The following DMXL2 variants were observed in gnomAD, a reference collection of about 807,000 sequenced individuals.
DMXL2 encodes dmX-like protein 2.
In DMXL2, 103 loss-of-function variants were observed where a neutral mutation model predicts 331.1. The observed-to-expected ratio is 0.31, with a 90% CI of 0.27 to 0.37. The LOEUF is 0.37. Ranked by LOEUF, DMXL2 falls within the 10% of genes least tolerant of loss-of-function variation. The pLI, the probability that DMXL2 is intolerant of heterozygous loss-of-function variation, is 1.00. For missense variants in DMXL2, 3,171 were observed against 3,642.9 expected (o/e 0.87, Z 3.33); for synonymous variants, 1,281 against 1,252.1 (o/e 1.02, Z -0.49).
At chr15:51,578,928 G>A (rs1168098806) in intron 1 of DMXL2, among the ~76,000 whole-genome samples, 1 of 152,146 alleles carries the variant, frequency 6.6e-6, no homozygotes, top group African/African-American at 2.4e-5. Context: ...AACACAGTGA[G>A]ACTTCATCTC....
intron 33 of DMXL2, chr15:51,460,452 C>G (rs1225126699): frequency 3.9e-6 from 3 of 778,198 alleles, no homozygotes; most frequent in African/African-American, 1.9e-5. Context: ...GAAGGCCAAA[C>G]TGCTGAAGAA....
At chr15:51,470,228 T>C (rs528020927) in intron 29 of DMXL2, among the ~76,000 whole-genome samples, 7 of 152,112 alleles carry the variant, frequency 4.6e-5, no homozygotes, top group Non-Finnish European at 8.8e-5. Flanking sequence ...GCTGACCTCC[T>C]GGACTCAAGC....
chr15:51,622,301 T>A (rs2054699349), intron 1 of DMXL2, among the ~76,000 whole-genome samples, 158 bp downstream of exon 1: 1 of 152,098 alleles, frequency 6.6e-6, no homozygotes, highest in Admixed American at 6.5e-5. Context: ...GTCCCACGGG[T>A]CCCAGGGGGA....
At chr15:51,458,894 TAGCAGCAGCAGC>T (rs3830518) in intron 34 of DMXL2, 99 bp from the exon 35 acceptor site, 34 of 772,664 alleles carry the variant, frequency 4.4e-5, no homozygotes, top group South Asian at 1.6e-4. Flanking sequence ...GAAGAAAATG[TAGCAGCAGCAGC>T]AGCAGCAGCA....
intron 31 of DMXL2, among the ~76,000 whole-genome samples, chr15:51,465,299 G>A (rs1427361628): frequency 6.6e-6 from 1 of 152,208 alleles, no homozygotes; most frequent in East Asian, 1.9e-4. Context: ...GGAGACTGAG[G>A]TGGGAGGATG....
intron 7 of DMXL2, 115 bp from the exon 8 acceptor site, chr15:51,545,881 A>G: frequency 1.3e-6 from 1 of 778,454 alleles, no homozygotes; most frequent in Non-Finnish European, 2.0e-6. Context: ...TATGGAAAAA[A>G]GGAATCAATC....
chr15:51,534,808 ACT>A (rs2048195280), intron 13 of DMXL2, among the ~76,000 whole-genome samples: 1 of 152,104 alleles, frequency 6.6e-6, no homozygotes, highest in Admixed American at 6.5e-5. Flanking sequence ...AATCTTATCC[ACT>A]CATCAAGAAT....
At chr15:51,460,453 T>C (rs1367957878) in intron 33 of DMXL2, 1 of 766,630 alleles carries the variant, frequency 1.3e-6, no homozygotes, top group African/African-American at 1.9e-5. Flanking sequence ...AAGGCCAAAC[T>C]GCTGAAGAAT....
chr15:51,607,868 T>C (rs2053696271), intron 1 of DMXL2, among the ~76,000 whole-genome samples: 1 of 152,192 alleles, frequency 6.6e-6, no homozygotes, highest in Admixed American at 6.5e-5. Context: ...CCTGTCTACC[T>C]GCTAAAAGAC....
At chr15:51,482,331 A>T (rs2042075220) in intron 23 of DMXL2, among the ~76,000 whole-genome samples, 1 of 152,204 alleles carries the variant, frequency 6.6e-6, no homozygotes, top group South Asian at 2.1e-4. Flanking sequence ...CTATATTATT[A>T]TTCTGAAACT....
chr15:51,537,764 A>T lies in DMXL2; in HGVS notation c.1346-5T>A, dbSNP rs745950608. On this transcript the variant is annotated splice_region_variant and splice_polypyrimidine_tract_variant and intron_variant, in intron 10 of 43. Transcript: ENST00000560891. Reference sequence around the variant, plus strand: ...ATTCTCTATCCAGGGATAAATCTGAACCAGAAAATATATTTATCAATACAA... The same window carrying T: ...ATTCTCTATCCAGGGATAAATCTGATCCAGAAAATATATTTATCAATACAA... The T allele has an allele frequency of 6.2e-7, 1 of 1,608,742 alleles. No individual in the cohort carries two copies. The highest frequency in any genetic ancestry group is 8.5e-7 in the Non-Finnish European group (1 of 1,177,014).
At chr15:51,482,844 C>T (rs139932847) in intron 23 of DMXL2, among the ~76,000 whole-genome samples, 48 of 152,270 alleles carry the variant, frequency 3.2e-4, no homozygotes, top group Non-Finnish European at 4.7e-4. Flanking sequence ...ATTCATCCTC[C>T]GAAAAGAAAG....
intron 1 of DMXL2, among the ~76,000 whole-genome samples, chr15:51,596,687 A>G (rs1286269714): frequency 6.6e-6 from 1 of 152,222 alleles, no homozygotes; most frequent in South Asian, 2.1e-4. Context: ...TCCAACAATG[A>G]TAGACTGGAT....
At chr15:51,612,343 T>C (rs1045959553) in intron 1 of DMXL2, among the ~76,000 whole-genome samples, 2 of 152,218 alleles carry the variant, frequency 1.3e-5, no homozygotes, top group Non-Finnish European at 2.9e-5. Flanking sequence ...GTCACATTAG[T>C]ACATGATCCC....
chr15:51,529,931 G>A (rs1031083658), intron 13 of DMXL2, among the ~76,000 whole-genome samples: 1 of 151,908 alleles, frequency 6.6e-6, no homozygotes, highest in Non-Finnish European at 1.5e-5. Flanking sequence ...AGGGACACAA[G>A]GATGGTTCAA....
intron 42 of DMXL2, among the ~76,000 whole-genome samples, chr15:51,451,401 A>G (rs949115740): frequency 6.6e-6 from 1 of 152,252 alleles, no homozygotes; most frequent in African/African-American, 2.4e-5. Context: ...TATCCATACC[A>G]TATTTTCTGA....
chr15:51,593,235 A>G (rs1043536816), intron 1 of DMXL2, among the ~76,000 whole-genome samples: 3 of 152,116 alleles, frequency 2.0e-5, no homozygotes, highest in South Asian at 2.1e-4. Context: ...CCAAGCAAAT[A>G]GAAAACAAAA....
intron 15 of DMXL2, among the ~76,000 whole-genome samples, chr15:51,507,714 A>C (rs2046492344): frequency 6.6e-6 from 1 of 152,038 alleles, no homozygotes; most frequent in African/African-American, 2.4e-5. Flanking sequence ...ATGCCCCTGG[A>C]GTAACTGGGG....
In DMXL2 at chr15:51,481,477, T is replaced by C; in HGVS notation, c.5629A>G (p.Ile1877Val). The change falls in exon 24 of 44, where the codon ATT (isoleucine) becomes GTT (valine). Residue 1877 changes from isoleucine (I) to valine (V), a missense_variant. Coordinates refer to ENST00000560891, the MANE Select transcript of DMXL2 (RefSeq NM_001378457.1). ...LKTEKNFVDK[I>V]NLIERKLFFT... is the part of the protein sequence containing the mutation. ...AATAATTTTCTTTCTATGAGGTTAA[T>C]TTTATCAACAAAGTTCTTCTCAGTT... The C allele has an allele frequency of 6.2e-7, 1 of 1,613,480 alleles. No individual in the cohort carries two copies. The highest frequency in any genetic ancestry group is 8.5e-7 in the Non-Finnish European group (1 of 1,179,800).
Sources: gnomAD v4.1 joint callset for allele counts (sites outside exome capture counted in the v4.1 genomes callset) on GRCh38, gnomAD v4.1.1 for gene constraint, MANE v1.5 for transcripts, NCBI Gene and HGNC (gene_info 2026-07-23, HGNC 2026-07-21) for gene names.